HTR1F: variants seen among roughly 807,000 people sequenced by gnomAD.
The protein encoded by HTR1F is 5-hydroxytryptamine (serotonin) receptor 1F, G protein-coupled.
A neutral mutation model predicts 24.0 loss-of-function variants in HTR1F; 17 were observed. The observed-to-expected ratio is 0.71, with a 90% CI of 0.48 to 1.06. The LOEUF (loss-of-function observed/expected upper bound fraction) is 1.06. Ranked by LOEUF, HTR1F falls within the 50% of genes least tolerant of loss-of-function variation. The probability of loss-of-function intolerance (pLI) is 0.00; values close to 1 mark genes in which losing one functional copy is unlikely to be tolerated. For synonymous variants in HTR1F, 186 were observed against 156.8 expected (o/e 1.19, Z -1.39); for missense variants, 391 against 427.8 (o/e 0.91, Z 0.76).
At chr3:87,828,079 G>T (rs1177454262) in intron 2 of HTR1F, among the ~76,000 whole-genome samples, 1 of 152,174 alleles carries the variant, frequency 6.6e-6, no homozygotes, top group Non-Finnish European at 1.5e-5. Context: ...GAGGGTAATT[G>T]TACTGTTCTC....
At chr3:87,889,877 T>G (rs1236236704) in intron 2 of HTR1F, among the ~76,000 whole-genome samples, 5 of 152,302 alleles carry the variant, frequency 3.3e-5, no homozygotes, top group Non-Finnish European at 7.4e-5. Context: ...AGATCACAAG[T>G]CTTGCACCAG....
intron 2 of HTR1F, among the ~76,000 whole-genome samples, chr3:87,858,258 C>A (rs1705242024): frequency 6.6e-6 from 1 of 152,100 alleles, no homozygotes; most frequent in Non-Finnish European, 1.5e-5. Context: ...TTATATAACT[C>A]AGGGGTACAA....
At chr3:87,833,278 T>G (rs1342922470) in intron 2 of HTR1F, among the ~76,000 whole-genome samples, 1 of 152,192 alleles carries the variant, frequency 6.6e-6, no homozygotes, top group Non-Finnish European at 1.5e-5. Context: ...AAACTGGAAC[T>G]AGGGAAATAT....
chr3:87,792,863 T>C (rs942592590), intron 1 of HTR1F, among the ~76,000 whole-genome samples, 21 bp downstream of exon 1: 4 of 152,094 alleles, frequency 2.6e-5, no homozygotes, highest in Non-Finnish European at 4.4e-5. Flanking sequence ...GGATCAGCGC[T>C]GAGCCCGGGA....
intron 2 of HTR1F, among the ~76,000 whole-genome samples, chr3:87,973,525 T>C (rs1425484830): frequency 1.3e-5 from 2 of 152,218 alleles, no homozygotes; most frequent in Non-Finnish European, 2.9e-5. Context: ...TAACCGTCTA[T>C]GCATAATAAT....
At chr3:87,905,153 A>G (rs1477576891) in intron 2 of HTR1F, among the ~76,000 whole-genome samples, 52 of 151,884 alleles carry the variant, frequency 3.4e-4, no homozygotes, top group Admixed American at 3.4e-3. Flanking sequence ...GAAAAAAAAA[A>G]TTAAAAGTTA....
At chr3:87,887,133 G>A (rs545461848) in intron 2 of HTR1F, among the ~76,000 whole-genome samples, 1 of 152,184 alleles carries the variant, frequency 6.6e-6, no homozygotes, top group East Asian at 1.9e-4. Context: ...CAAACATACA[G>A]ACCAATGGAA....
At chr3:87,884,553 G>A (rs1376004720) in intron 2 of HTR1F, among the ~76,000 whole-genome samples, 1 of 152,112 alleles carries the variant, frequency 6.6e-6, no homozygotes, top group Non-Finnish European at 1.5e-5. Context: ...ACATAGACTG[G>A]CAAATTGGAT....
At chr3:87,926,288 A>C (rs1180984506) in intron 2 of HTR1F, among the ~76,000 whole-genome samples, 2 of 152,216 alleles carry the variant, frequency 1.3e-5, no homozygotes, top group African/African-American at 4.8e-5. Context: ...CTTTAGATTA[A>C]CTAAATATTT....
chr3:87,794,982 C>CTTTTTTT (rs57368229), intron 1 of HTR1F, among the ~76,000 whole-genome samples: 3 of 90,430 alleles, frequency 3.3e-5, no homozygotes, highest in African/African-American at 1.4e-4. Context: ...TTATGACTGA[C>CTTTTTTT]TTTTTTTTTT....
intron 2 of HTR1F, among the ~76,000 whole-genome samples, chr3:87,931,549 A>T (rs374419776): frequency 2.6e-5 from 4 of 152,192 alleles, no homozygotes; most frequent in East Asian, 3.9e-4. Flanking sequence ...TTTATAGTCC[A>T]TTGGGTATAT....
intron 1 of HTR1F, among the ~76,000 whole-genome samples, chr3:87,813,032 G>A (rs1704186996): frequency 6.6e-6 from 1 of 152,204 alleles, no homozygotes; most frequent in South Asian, 2.1e-4. Flanking sequence ...CTTTGCTAGG[G>A]CAATGTAGAA....
At chr3:87,813,950 C>T (rs1466676957) in intron 1 of HTR1F, among the ~76,000 whole-genome samples, 1 of 152,036 alleles carries the variant, frequency 6.6e-6, no homozygotes, top group Non-Finnish European at 1.5e-5. Context: ...ACAAATTACC[C>T]AGTCTTGTGC....
intron 2 of HTR1F, among the ~76,000 whole-genome samples, chr3:87,874,331 T>C (rs929082337): frequency 9.9e-5 from 15 of 152,110 alleles, no homozygotes; most frequent in African/African-American, 3.1e-4. Flanking sequence ...ATCAGTTTTA[T>C]TTTCATACAC....
intron 2 of HTR1F, among the ~76,000 whole-genome samples, chr3:87,823,991 A>G (rs1039532234): frequency 4.6e-5 from 7 of 150,652 alleles, no homozygotes; most frequent in African/African-American, 1.7e-4. Context: ...CGGGAGGCGG[A>G]GTTTGCAGTG....
At chr3:87,909,228 C>T (rs560637775) in intron 2 of HTR1F, among the ~76,000 whole-genome samples, 46 of 152,014 alleles carry the variant, frequency 3.0e-4, no homozygotes, top group South Asian at 1.0e-3. Context: ...AAAGAATCCC[C>T]GGTCAAATCA....
chr3:87,887,564 G>C (rs1314296800), intron 2 of HTR1F, among the ~76,000 whole-genome samples: 1 of 152,116 alleles, frequency 6.6e-6, no homozygotes, highest in Non-Finnish European at 1.5e-5. Context: ...GAAAATTTTT[G>C]CAATCTATCC....
intron 2 of HTR1F, among the ~76,000 whole-genome samples, chr3:87,933,009 T>C (rs1252901175): frequency 6.7e-6 from 1 of 148,166 alleles, no homozygotes; most frequent in Non-Finnish European, 1.5e-5. Flanking sequence ...TCCACCATGA[T>C]CAAGTGGGCT....
chr3:87,988,526 G>A (rs548810922), intron 2 of HTR1F, among the ~76,000 whole-genome samples: 1 of 152,302 alleles, frequency 6.6e-6, no homozygotes, highest in South Asian at 2.1e-4. Context: ...GGTACCCAAA[G>A]TAGAACAGAA....
Sources: gnomAD v4.1 joint callset for allele counts (sites outside exome capture counted in the v4.1 genomes callset) on GRCh38, gnomAD v4.1.1 for gene constraint, MANE v1.5 for transcripts, NCBI Gene and HGNC (gene_info 2026-07-23, HGNC 2026-07-21) for gene names.